The following RYR2 variants were observed in gnomAD, a reference collection of about 807,000 sequenced individuals.
RYR2 encodes the protein ryanodine receptor 2.
In RYR2, 227 loss-of-function variants were observed where a neutral mutation model predicts 601.1. The observed-to-expected ratio is 0.38, with a 90% confidence interval of 0.34 to 0.42. RYR2 has a LOEUF of 0.42. Among genes scored for constraint, RYR2 ranks in the 10% least tolerant of loss-of-function variants. RYR2 has a pLI of 1.00. For synonymous variants in RYR2, 2,223 were observed against 2,175.1 expected (o/e 1.02, Z -0.61); for missense variants, 4,646 against 6,156.5 (o/e 0.75, Z 8.21).
At chr1:237,232,990 A>G (rs1449832865) in intron 1 of RYR2, among the ~76,000 whole-genome samples, 1 of 152,204 alleles carries the variant, frequency 6.6e-6, no homozygotes, top group Non-Finnish European at 1.5e-5. Context: ...TTCAACATGG[A>G]AGTCATTTTT....
At chr1:237,822,049 A>T (rs952335569) in intron 101 of RYR2, among the ~76,000 whole-genome samples, 22 of 152,140 alleles carry the variant, frequency 1.4e-4, no homozygotes, top group African/African-American at 5.3e-4. Flanking sequence ...TATACGTTTG[A>T]TTGGTGTACC....
At chr1:237,816,982 A>G (rs1039489517) in intron 100 of RYR2, among the ~76,000 whole-genome samples, 3 of 152,140 alleles carry the variant, frequency 2.0e-5, no homozygotes, top group African/African-American at 7.2e-5. Context: ...ATATGAGGTT[A>G]GGCTTAGACC....
intron 6 of RYR2, 123 bp from the exon 7 acceptor site, chr1:237,374,594 G>A: frequency 2.7e-6 from 2 of 744,508 alleles, no homozygotes; most frequent in South Asian, 3.0e-5. Flanking sequence ...GGAGGTTGAG[G>A]CTGCAGTGAG....
intron 2 of RYR2, among the ~76,000 whole-genome samples, chr1:237,303,866 T>C (rs189947948): frequency 6.6e-6 from 1 of 152,274 alleles, no homozygotes; most frequent in Admixed American, 6.5e-5. Flanking sequence ...TGAGGCCAAA[T>C]CCAAGAAATA....
chr1:237,792,851 T>C (rs1486932892), intron 94 of RYR2, among the ~76,000 whole-genome samples: 2 of 152,216 alleles, frequency 1.3e-5, no homozygotes, highest in African/African-American at 4.8e-5. Flanking sequence ...ATATATTGTG[T>C]CAATCCTGGG....
intron 1 of RYR2, among the ~76,000 whole-genome samples, chr1:237,232,842 T>G (rs1367120679): frequency 1.3e-5 from 2 of 152,132 alleles, no homozygotes; most frequent in Non-Finnish European, 2.9e-5. Flanking sequence ...CCCTCACATA[T>G]TTGGTCACAG....
chr1:237,071,577 A>G (rs1048872843), intron 1 of RYR2, among the ~76,000 whole-genome samples: 3 of 151,986 alleles, frequency 2.0e-5, no homozygotes, highest in Non-Finnish European at 2.9e-5. Flanking sequence ...TGATGGGTCC[A>G]CGGTCGGCCA....
intron 79 of RYR2, among the ~76,000 whole-genome samples, chr1:237,740,313 G>T (rs962355903): frequency 1.3e-5 from 2 of 152,118 alleles, no homozygotes; most frequent in Non-Finnish European, 2.9e-5. Flanking sequence ...TATAGGTTTG[G>T]TGAATTTGTC....
At chr1:237,544,245 G>C (rs1669574025) in intron 25 of RYR2, among the ~76,000 whole-genome samples, 3 of 152,110 alleles carry the variant, frequency 2.0e-5, no homozygotes, top group Admixed American at 2.0e-4. Flanking sequence ...TTTATAGGAT[G>C]ATTGATGGCA....
At position 237,535,090 on chromosome 1, in the gene RYR2, A is replaced by AAC. The variant is rs145016826; in HGVS notation, c.2906+4582_2906+4583dup. On this transcript the variant is annotated intron_variant, in intron 25 of 104. Coordinates refer to ENST00000366574, the MANE Select transcript of RYR2 (RefSeq NM_001035.3). ...GATTTATACATCATGGAAATTGTAA[A>AAC]ACAATAATGGAAAAGGAAAATATTT... 9.3e-3 allele frequency among the ~76,000 whole-genome samples: 1,422 copies of AAC among 152,114 alleles called. 25 individuals are homozygous for AAC. The highest frequency in any genetic ancestry group is 0.032 in the African/African-American group (1,342 of 41,546).
chr1:237,809,889 A>G (rs1661075515), intron 100 of RYR2, among the ~76,000 whole-genome samples: 1 of 152,198 alleles, frequency 6.6e-6, no homozygotes, highest in Non-Finnish European at 1.5e-5. Context: ...AAATTAAAAG[A>G]TGATAAAGAT....
intron 1 of RYR2, among the ~76,000 whole-genome samples, chr1:237,077,350 G>T (rs1215200161): frequency 9.0e-6 from 1 of 111,260 alleles, no homozygotes; most frequent in East Asian, 2.4e-4. Context: ...AAAGAGTCAA[G>T]ACCCATCAGT....
chr1:237,208,238 A>G (rs1682034568), intron 1 of RYR2, among the ~76,000 whole-genome samples: 1 of 152,248 alleles, frequency 6.6e-6, no homozygotes, highest in Non-Finnish European at 1.5e-5. Flanking sequence ...AGACAAAAAC[A>G]GGTGCTATCC....
In RYR2 at chr1:237,784,758, G is replaced by A. The variant is rs1695410973; in HGVS notation, c.13046G>A (p.Gly4349Glu). The A allele has an allele frequency of 2.5e-6, 4 of 1,602,494 alleles. No homozygotes were observed. The highest frequency in any genetic ancestry group is 3.4e-6 in the Non-Finnish European group (4 of 1,173,348). Residue 4349 changes from glycine to glutamate, a missense_variant, in exon 90 of 105, where the codon GGA becomes GAA. Around this residue, in one of 17 missense-constraint regions of RYR2, gnomAD observed 364 missense variants for 442.9 expected, o/e 0.82. Transcript: ENST00000366574. The surrounding 1 kb of genome is among the most constrained non-coding windows in gnomAD (Gnocchi z 7.1). Reference sequence around the variant, plus strand: ...GAGGTTAGAGGAGATGGGGAGGAGGGAGAGAGGAAACCCCTGGAAGCCGCC... The same window carrying A: ...GAGGTTAGAGGAGATGGGGAGGAGGAAGAGAGGAAACCCCTGGAAGCCGCC... ...QDEVRGDGEE[G>E]ERKPLEAALP...
rs184484783 is a variant in RYR2 at position 237,180,067 on chromosome 1, C to G, written c.49-90430C>G. Among the ~76,000 whole-genome samples, 1 of 151,952 alleles carries G rather than the reference C, an allele frequency of 6.6e-6. No individual in the cohort carries two copies. Among genetic ancestry groups the G allele is most frequent in the Non-Finnish European group, 1.5e-5 (1 of 68,016 alleles). Reference sequence around the variant, plus strand: ...CTGGGTATATTGTTGATGGGAGACCCGACTTACTGAGCCATGTCCGTGTCG... The same window carrying G: ...CTGGGTATATTGTTGATGGGAGACCGGACTTACTGAGCCATGTCCGTGTCG... On this transcript the variant is annotated intron_variant, in intron 1 of 104. Transcript: ENST00000366574. The surrounding 1 kb of genome is among the most constrained non-coding windows in gnomAD (Gnocchi z 5.3).
intron 24 of RYR2, among the ~76,000 whole-genome samples, chr1:237,525,178 G>C (rs1418691216): frequency 6.6e-6 from 1 of 152,000 alleles, no homozygotes; most frequent in African/African-American, 2.4e-5. Context: ...ATATCTGTGT[G>C]TATCCACTTT....
At chr1:237,740,126 G>A (rs1691484605) in intron 79 of RYR2, among the ~76,000 whole-genome samples, 2 of 152,130 alleles carry the variant, frequency 1.3e-5, no homozygotes, top group African/African-American at 4.8e-5. Context: ...CATTTGCTTA[G>A]CATTATCATC....
At chr1:237,337,585 A>G (rs914713697) in intron 3 of RYR2, among the ~76,000 whole-genome samples, 3 of 152,184 alleles carry the variant, frequency 2.0e-5, no homozygotes, top group Non-Finnish European at 4.4e-5. Flanking sequence ...GGGGAAAATA[A>G]TAGCATCTCC....
At chr1:237,366,143 A>G (rs2149736378) in intron 5 of RYR2, among the ~76,000 whole-genome samples, 1 of 152,328 alleles carries the variant, frequency 6.6e-6, no homozygotes, top group Non-Finnish European at 1.5e-5. Context: ...AACTTCTTAG[A>G]ACCAGATGGA....
Sources: allele counts gnomAD v4.1 joint callset (sites outside exome capture counted in the v4.1 genomes callset), GRCh38; gene constraint gnomAD v4.1.1; regional missense constraint gnomAD v4.1.1; non-coding constraint Gnocchi (gnomAD v3.1); transcripts MANE v1.5; gene names NCBI Gene and HGNC (gene_info 2026-07-23, HGNC 2026-07-21).